The following DYM variants were observed in gnomAD, a reference collection of about 807,000 sequenced individuals.
DYM encodes the protein dymeclin.
A neutral mutation model predicts 93.1 loss-of-function variants in DYM; 78 were observed. The ratio of observed to expected loss-of-function variants is 0.84; its 90% CI spans 0.70 to 1.01. DYM has a LOEUF of 1.01. DYM is among the 50% of genes least tolerant of loss of function. The probability of loss-of-function intolerance (pLI) is 0.00; values close to 1 mark genes in which losing one functional copy is unlikely to be tolerated. For synonymous variants in DYM, 321 were observed against 319.7 expected (o/e 1.00, Z -0.04); for missense variants, 789 against 845.0 (o/e 0.93, Z 0.82).
intron 13 of DYM, among the ~76,000 whole-genome samples, chr18:49,219,034 G>C (rs1035866097): frequency 2.0e-5 from 3 of 152,072 alleles, no homozygotes; most frequent in Admixed American, 1.3e-4. Flanking sequence ...CGAAAACAGA[G>C]AAGAATCAAA....
intron 8 of DYM, among the ~76,000 whole-genome samples, chr18:49,286,934 T>A (rs552956461): frequency 3.3e-5 from 5 of 152,172 alleles, no homozygotes; most frequent in Non-Finnish European, 7.4e-5. Flanking sequence ...GGCACACACC[T>A]GTAATCCCAG....
chr18:49,168,099 A>G (rs2088148246), intron 14 of DYM, among the ~76,000 whole-genome samples: 1 of 152,200 alleles, frequency 6.6e-6, no homozygotes, highest in Non-Finnish European at 1.5e-5. Flanking sequence ...CATCATTTAC[A>G]GATAAAATAT....
At chr18:49,375,410 G>A (rs1337681155) in intron 5 of DYM, among the ~76,000 whole-genome samples, 1 of 151,578 alleles carries the variant, frequency 6.6e-6, no homozygotes, top group Admixed American at 6.6e-5. Context: ...TTTTTTAACA[G>A]CATCAAAGAG....
At chr18:49,231,907 G>A (rs1344277907) in intron 13 of DYM, among the ~76,000 whole-genome samples, 1 of 152,178 alleles carries the variant, frequency 6.6e-6, no homozygotes, top group East Asian at 1.9e-4. Context: ...GTCTGTATCT[G>A]ATTTTACTTC....
chr18:49,254,245 T>G (rs1402034140), intron 13 of DYM, among the ~76,000 whole-genome samples: 1 of 149,584 alleles, frequency 6.7e-6, no homozygotes, highest in Non-Finnish European at 1.5e-5. Flanking sequence ...AATATATATT[T>G]CATATAACAT....
intron 8 of DYM, among the ~76,000 whole-genome samples, chr18:49,293,853 T>C (rs1006082491): frequency 6.6e-6 from 1 of 152,160 alleles, no homozygotes; most frequent in South Asian, 2.1e-4. Flanking sequence ...GCTTTTGTTG[T>C]CATTGCTTTT....
intron 1 of DYM, among the ~76,000 whole-genome samples, chr18:49,435,493 A>G (rs887926660): frequency 2.0e-5 from 3 of 151,844 alleles, no homozygotes; most frequent in African/African-American, 7.3e-5. Context: ...AAAATGCTCA[A>G]TTAAAACCAC....
chr18:49,426,472 T>C (rs990772707), intron 2 of DYM, among the ~76,000 whole-genome samples: 3 of 151,398 alleles, frequency 2.0e-5, no homozygotes, highest in Non-Finnish European at 1.5e-5. Flanking sequence ...GTGCAGCACA[T>C]CAACATGGCA....
chr18:49,147,905 GCGGCACTATTCA>G (rs2085343359), intron 15 of DYM, among the ~76,000 whole-genome samples: 2 of 152,192 alleles, frequency 1.3e-5, no homozygotes, highest in Non-Finnish European at 1.5e-5. Flanking sequence ...TATGTTTATT[GCGGCACTATTCA>G]CGATAGCAAA....
At position 49,135,797 on chromosome 18, in the gene DYM, A is replaced by T. The variant is rs117317971; in HGVS notation, c.1729-16871T>A. Among the ~76,000 whole-genome samples the T allele has an allele frequency of 3.6e-3, 549 of 152,334 alleles. 1 individual carries two copies. Among genetic ancestry groups the T allele is most frequent in the Non-Finnish European group, 5.9e-3 (398 of 68,028 alleles). ...TGAGATCTTTAAGAACCTAAATGCT[A>T]TTGTTATACTAAACTCTGGTTAATC... On this transcript the variant is annotated intron_variant, in intron 15 of 17. Transcript: ENST00000675505.
At chr18:49,404,539 G>T (rs570712420) in intron 2 of DYM, among the ~76,000 whole-genome samples, 1 of 152,098 alleles carries the variant, frequency 6.6e-6, no homozygotes, top group Non-Finnish European at 1.5e-5. Flanking sequence ...TCCCACCAAC[G>T]ATGTATAAGC....
intron 6 of DYM, among the ~76,000 whole-genome samples, chr18:49,354,567 T>C (rs1441958549): frequency 6.6e-6 from 1 of 151,926 alleles, no homozygotes; most frequent in African/African-American, 2.4e-5. Flanking sequence ...ATCTAAAATA[T>C]ACAAAGAACT....
intron 13 of DYM, among the ~76,000 whole-genome samples, chr18:49,252,059 C>T (rs1030489126): frequency 2.0e-5 from 3 of 151,026 alleles, no homozygotes; most frequent in African/African-American, 7.3e-5. Context: ...AGTAAAAATA[C>T]AAAAATTAGC....
intron 17 of DYM, among the ~76,000 whole-genome samples, chr18:49,096,764 C>G (rs1381444556): frequency 6.6e-6 from 1 of 152,148 alleles, no homozygotes; most frequent in Non-Finnish European, 1.5e-5. Context: ...GCACTTCCCC[C>G]ACCTTCTCCA....
chr18:49,282,719 A>T (rs1319740843), intron 9 of DYM, among the ~76,000 whole-genome samples: 1 of 152,228 alleles, frequency 6.6e-6, no homozygotes, highest in Non-Finnish European at 1.5e-5. Context: ...CAGCTATAAG[A>T]ACATGAACTT....
chr18:49,267,016 C>T (rs1000648102), intron 11 of DYM, among the ~76,000 whole-genome samples: 4 of 151,504 alleles, frequency 2.6e-5, no homozygotes, highest in Admixed American at 1.3e-4. Flanking sequence ...ATAAAGAGCA[C>T]AAATAATTAA....
In DYM at chr18:49,399,943, T is replaced by C. The variant is rs985054801; in HGVS notation, c.141-8298A>G. Among the ~76,000 whole-genome samples, 5 of 126,352 alleles carry C rather than the reference T, an allele frequency of 4.0e-5. No individual in the cohort carries two copies. The East Asian group carries it at 6.5e-4, about 16-fold the overall frequency. 82.9% of individuals were successfully genotyped at this position (126,352 alleles called of 152,430 possible). A position where few individuals can be genotyped will look rare whatever the true frequency, so the allele number is the denominator to read the frequency against. The stretch of plus-strand genomic sequence containing the variant: ...ATTTATTTTTATTTTTCTTTTTTTT[T>C]TTTTTTTTTTTTTTTTGAGACGGAG... On this transcript the variant is annotated intron_variant, in intron 2 of 17. Coordinates refer to ENST00000675505, the MANE Select transcript of DYM (RefSeq NM_001353214.3).
intron 17 of DYM, among the ~76,000 whole-genome samples, chr18:49,045,906 C>T (rs1012138567): frequency 1.3e-5 from 2 of 152,184 alleles, no homozygotes; most frequent in African/African-American, 4.8e-5. Flanking sequence ...ATGAGAATGG[C>T]ACTGTGCAGT....
chr18:49,316,762 CTCTT>C (rs1555689851), intron 8 of DYM, among the ~76,000 whole-genome samples: 1 of 150,030 alleles, frequency 6.7e-6, no homozygotes, highest in Non-Finnish European at 1.5e-5. Flanking sequence ...TTTACTATCT[CTCTT>C]TTTTTTTTGC....
Sources: gnomAD v4.1 joint callset for allele counts (sites outside exome capture counted in the v4.1 genomes callset) on GRCh38, gnomAD v4.1.1 for gene constraint, MANE v1.5 for transcripts, NCBI Gene and HGNC (gene_info 2026-07-23, HGNC 2026-07-21) for gene names.